TMEM131L: variants seen among roughly 807,000 people sequenced by gnomAD.
The protein encoded by TMEM131L is transmembrane protein 131-like.
Under a neutral mutation model 192.2 loss-of-function variants are expected in TMEM131L, and 54 were observed. That is an observed-to-expected ratio of 0.28 (90% CI 0.23 to 0.35). The LOEUF is 0.35. Ranked by LOEUF, TMEM131L falls within the 10% of genes least tolerant of loss-of-function variation. TMEM131L has a pLI of 1.00. For synonymous variants in TMEM131L, 701 were observed against 704.9 expected, an observed-to-expected ratio of 0.99 and a Z score of 0.09; for missense variants, 1,888 against 1,972.9, an observed-to-expected ratio of 0.96 and a Z score of 0.82.
chr4:153,493,293 C>T (rs1459880114), intron 3 of TMEM131L, among the ~76,000 whole-genome samples: 2 of 133,716 alleles, frequency 1.5e-5, no homozygotes, highest in Non-Finnish European at 3.1e-5. Flanking sequence ...TTGCAGTGAG[C>T]GGAGATAGTG....
At chr4:153,577,827 T>C (rs1255791376) in intron 7 of TMEM131L, among the ~76,000 whole-genome samples, 1 of 152,146 alleles carries the variant, frequency 6.6e-6, no homozygotes, top group Non-Finnish European at 1.5e-5. Flanking sequence ...ATAATGGTGC[T>C]AAGATGAGGC....
intron 7 of TMEM131L, among the ~76,000 whole-genome samples, chr4:153,576,749 T>G (rs1353283746): frequency 6.6e-6 from 1 of 152,228 alleles, no homozygotes; most frequent in Non-Finnish European, 1.5e-5. Context: ...AAACATTTTT[T>G]GAAAGTTTCA....
At chr4:153,554,601 C>A (rs1282871369) in intron 4 of TMEM131L, among the ~76,000 whole-genome samples, 2 of 152,130 alleles carry the variant, frequency 1.3e-5, no homozygotes, top group Non-Finnish European at 2.9e-5. Flanking sequence ...ATTCATTATG[C>A]TGATATTTTT....
At chr4:153,531,786 A>G (rs2150240092) in intron 3 of TMEM131L, among the ~76,000 whole-genome samples, 1 of 152,352 alleles carries the variant, frequency 6.6e-6, no homozygotes, top group South Asian at 2.1e-4. Flanking sequence ...TGGCGAATTT[A>G]GGATAATTTT....
chr4:153,516,885 G>A (rs1734771918), intron 3 of TMEM131L, among the ~76,000 whole-genome samples: 1 of 151,966 alleles, frequency 6.6e-6, no homozygotes, highest in African/African-American at 2.4e-5. Flanking sequence ...GAGTGCAGTG[G>A]GGGCGATCTT....
intron 33 of TMEM131L, among the ~76,000 whole-genome samples, chr4:153,634,572 T>C (rs1459048052): frequency 2.0e-5 from 3 of 152,220 alleles, no homozygotes; most frequent in African/African-American, 4.8e-5. Flanking sequence ...CATGTAGATG[T>C]AACATTGTTG....
At chr4:153,507,357 G>A (rs952870993) in intron 3 of TMEM131L, among the ~76,000 whole-genome samples, 1 of 152,154 alleles carries the variant, frequency 6.6e-6, no homozygotes, top group Non-Finnish European at 1.5e-5. Flanking sequence ...TAAGGCAGTG[G>A]GGTCCTTGAA....
rs766959388 is a variant in TMEM131L at position 153,604,147 on chromosome 4, G to T, written c.3135G>T (p.Lys1045Asn). 5.6e-6 allele frequency: 9 copies of T among 1,614,150 alleles called. No individual in the cohort carries two copies. Among genetic ancestry groups the T allele is most frequent in the South Asian group, 2.2e-5 (2 of 91,078 alleles). Residue 1045 changes from lysine to asparagine, a missense_variant, in exon 25 of 35, where the codon AAG becomes AAT. By Grantham distance (94) the Lys-to-Asn change is moderately conservative (BLOSUM62 0). Transcript: ENST00000409959. ...GTGGCATAAATGTCAACCTGCAGAA[G>T]AATTTAACCCTTCCCAAAAACTTAC... Reference protein sequence around the residue: ...YASGINVNLQKNLTLPKNLLN... With the variant: ...YASGINVNLQNNLTLPKNLLN...
intron 3 of TMEM131L, among the ~76,000 whole-genome samples, chr4:153,506,222 A>G (rs1733974101): frequency 6.6e-6 from 1 of 152,218 alleles, no homozygotes; most frequent in Admixed American, 6.5e-5. Context: ...GATACATTCT[A>G]TTAGATTTCA....
At chr4:153,582,081 A>G (rs760558532) in intron 9 of TMEM131L, among the ~76,000 whole-genome samples, 8 of 152,224 alleles carry the variant, frequency 5.3e-5, no homozygotes, top group Non-Finnish European at 8.8e-5. Flanking sequence ...CTTCCTAAGA[A>G]CTTTTTTCAG....
At chr4:153,553,544 G>T (rs1388743231) in intron 4 of TMEM131L, among the ~76,000 whole-genome samples, 5 of 151,690 alleles carry the variant, frequency 3.3e-5, no homozygotes, top group African/African-American at 9.7e-5. Context: ...TCTGACAAAT[G>T]GTCTAATATA....
chr4:153,532,314 G>T (rs1443109822), intron 3 of TMEM131L, among the ~76,000 whole-genome samples: 1 of 152,190 alleles, frequency 6.6e-6, no homozygotes, highest in Non-Finnish European at 1.5e-5. Context: ...AGCTTGTGTA[G>T]AGCTTGTATG....
Position 153,581,430 on chromosome 4 carries a change from T to G in TMEM131L, c.762T>G (p.Asp254Glu). The change falls in exon 9 of 35, where the codon GAT becomes GAG. Residue 254 changes from aspartate to glutamate, a missense_variant. Asp to Glu is a conservative substitution (Grantham distance 45). Coordinates refer to ENST00000409959, the MANE Select transcript of TMEM131L (RefSeq NM_001131007.2). The part of the protein sequence containing the change: ...QLKGCYLESD[D>E]VLRLQMSIMV... ...AGGGTTGTTATCTGGAATCTGATGA[T>G]GTTTTGCGTCTACAAATGAGCATAA... is the stretch of plus-strand genomic sequence containing the variant. 1 of 1,580,168 alleles carries G rather than the reference T, an allele frequency of 6.3e-7. No homozygotes were observed. The highest frequency in any genetic ancestry group is 8.6e-7 in the Non-Finnish European group (1 of 1,162,572).
At chr4:153,523,880 C>T (rs1561157048) in intron 3 of TMEM131L, among the ~76,000 whole-genome samples, 1 of 152,104 alleles carries the variant, frequency 6.6e-6, no homozygotes, top group Non-Finnish European at 1.5e-5. Flanking sequence ...CAGGGTGATA[C>T]CCAAGGTTTT....
intron 20 of TMEM131L, 81 bp downstream of exon 20, chr4:153,596,466 C>A: frequency 6.6e-7 from 1 of 1,525,152 alleles, no homozygotes; most frequent in Non-Finnish European, 9.0e-7. Context: ...AGTTGACGTT[C>A]ACTTCTCAGT....
intron 33 of TMEM131L, among the ~76,000 whole-genome samples, chr4:153,635,065 G>A (rs941071399): frequency 6.7e-6 from 1 of 150,126 alleles, no homozygotes. Flanking sequence ...TGTGTAGGTC[G>A]CTGAGGTTGG....
intron 3 of TMEM131L, among the ~76,000 whole-genome samples, chr4:153,543,404 A>G (rs1322639844): frequency 6.6e-6 from 1 of 152,240 alleles, no homozygotes; most frequent in Non-Finnish European, 1.5e-5. Flanking sequence ...ATGATGTAGA[A>G]TTTTATAACT....
At chr4:153,547,495 C>T (rs762309533) in intron 3 of TMEM131L, among the ~76,000 whole-genome samples, 8 of 152,182 alleles carry the variant, frequency 5.3e-5, no homozygotes, top group Admixed American at 3.3e-4. Context: ...GTAATATGAG[C>T]GAATATTTAT....
intron 6 of TMEM131L, among the ~76,000 whole-genome samples, chr4:153,557,729 TG>T (rs1728570245): frequency 6.6e-6 from 1 of 152,242 alleles, no homozygotes; most frequent in Admixed American, 6.5e-5. Flanking sequence ...TCAGAAGAGT[TG>T]CCTACTTGTG....
Sources: gnomAD v4.1 joint callset for allele counts (sites outside exome capture counted in the v4.1 genomes callset) on GRCh38, gnomAD v4.1.1 for gene constraint, MANE v1.5 for transcripts, NCBI Gene and HGNC (gene_info 2026-07-23, HGNC 2026-07-21) for gene names.